WBP2NL: variants seen among roughly 807,000 people sequenced by gnomAD.
The protein encoded by WBP2NL is postacrosomal sheath WW domain-binding protein.
WBP2NL carries 27 observed loss-of-function variants against 23.3 expected under a neutral mutation model. That is an observed-to-expected ratio of 1.16 (90% CI 0.85 to 1.60). The LOEUF (loss-of-function observed/expected upper bound fraction) is 1.60. Ranked by LOEUF, WBP2NL falls within the 40% of genes most tolerant of loss-of-function variation. The probability of loss-of-function intolerance (pLI) is 0.00; values close to 1 mark genes in which losing one functional copy is unlikely to be tolerated. For synonymous variants in WBP2NL, 151 were observed against 145.9 expected (o/e 1.03, Z -0.25); for missense variants, 370 against 389.5 (o/e 0.95, Z 0.42).
At chr22:42,026,454 A>G (rs1436985865) in intron 5 of WBP2NL, among the ~76,000 whole-genome samples, 2 of 152,148 alleles carry the variant, frequency 1.3e-5, no homozygotes, top group Middle Eastern at 3.4e-3. Flanking sequence ...TTCCAAACGC[A>G]TATTCCTCAT....
At chr22:42,013,257 A>G (rs1383470312) in intron 1 of WBP2NL, among the ~76,000 whole-genome samples, 1 of 150,094 alleles carries the variant, frequency 6.7e-6, no homozygotes, top group East Asian at 2.0e-4. Flanking sequence ...CTGTAATCCC[A>G]GCTATATAAT....
chr22:42,038,617 G>C (rs5758554), intron 8 of WBP2NL, among the ~76,000 whole-genome samples: 1 of 150,564 alleles, frequency 6.6e-6, no homozygotes, highest in Non-Finnish European at 1.5e-5. Flanking sequence ...TTTTTTTTTT[G>C]TTTGAGACCA....
At chr22:42,010,344 C>T (rs373973778) in intron 1 of WBP2NL, among the ~76,000 whole-genome samples, 268 of 152,170 alleles carry the variant, frequency 1.8e-3, no homozygotes, top group African/African-American at 6.0e-3. Context: ...AATACTATGT[C>T]GAATAGAAGT....
intron 1 of WBP2NL, among the ~76,000 whole-genome samples, chr22:42,011,742 T>G (rs1411828105): frequency 6.6e-6 from 1 of 150,480 alleles, no homozygotes; most frequent in East Asian, 1.9e-4. Flanking sequence ...TGGCATCAGT[T>G]TTTTTTTTGG....
chr22:42,032,151 C>T (rs1171487699), downstream of WBP2NL: 1 of 152,214 alleles, frequency 6.6e-6, no homozygotes, highest in East Asian at 1.9e-4. Context: ...TTTTATTTGG[C>T]ACCAAGATGC....
At chr22:42,019,960 G>T in intron 3 of WBP2NL, 44 bp from the exon 4 acceptor site, 1 of 1,604,208 alleles carries the variant, frequency 6.2e-7, no homozygotes. Flanking sequence ...TCTGTTGTCA[G>T]CTATGCCAGT....
At chr22:42,016,411 G>A (rs1412166477) in intron 1 of WBP2NL, among the ~76,000 whole-genome samples, 1 of 152,176 alleles carries the variant, frequency 6.6e-6, no homozygotes, top group Non-Finnish European at 1.5e-5. Flanking sequence ...TTAAAAATAA[G>A]TGTGTTCTGC....
intron 8 of WBP2NL, among the ~76,000 whole-genome samples, chr22:42,048,336 C>T (rs917122867): frequency 3.3e-5 from 5 of 150,184 alleles, no homozygotes; most frequent in Admixed American, 1.3e-4. Flanking sequence ...TGCAGTGAGC[C>T]GGGATTGCAC....
chr22:42,034,913 C>CT (rs776899687), downstream of WBP2NL, among the ~76,000 whole-genome samples: 6 of 152,180 alleles, frequency 3.9e-5, no homozygotes, highest in Non-Finnish European at 7.3e-5. Context: ...TTATCCTGTT[C>CT]TTTTTTCAGG....
downstream of WBP2NL, chr22:42,032,845 G>A (rs1427231589): frequency 9.6e-6 from 3 of 312,952 alleles, no homozygotes; most frequent in Non-Finnish European, 2.0e-5. Context: ...TAGTTTAGAT[G>A]TATGATTTAG....
downstream of WBP2NL, among the ~76,000 whole-genome samples, chr22:42,033,526 A>G: frequency 6.6e-6 from 1 of 152,114 alleles, no homozygotes; most frequent in East Asian, 1.9e-4. Context: ...AGGGTGAGCA[A>G]TGAGAATGAG....
chr22:42,003,487 C>T (rs1202217495), intron 1 of WBP2NL: 1 of 151,886 alleles, frequency 6.6e-6, no homozygotes, highest in Non-Finnish European at 1.5e-5. Flanking sequence ...TTTATTCTGT[C>T]AGAGCAAACT....
rs200910750 is a variant in WBP2NL, at chr22:41,998,870, A to G, written c.52A>G (p.Asn18Asp). 15 of 1,610,706 alleles carry G rather than the reference A, an allele frequency of 9.3e-6. No individual in the cohort carries two copies. The highest frequency in any genetic ancestry group is 1.1e-5 in the Non-Finnish European group (13 of 1,178,082). The change falls in exon 1 of 6, where the codon AAC (asparagine) becomes GAC (aspartate). Residue 18 changes from asparagine to aspartate, a missense_variant. By Grantham distance (23) the Asn-to-Asp change is conservative. Coordinates refer to ENST00000328823, the MANE Select transcript of WBP2NL (RefSeq NM_152613.3). ...GAACCGCCGCGGAGCCCTCATCCCT[A>G]ACGGTGAAAGGTGCCTGAGGGGAAG... is the stretch of plus-strand genomic sequence containing the variant. ...TENRRGALIP[N>D]GESLLKRSPN...
intron 8 of WBP2NL, among the ~76,000 whole-genome samples, chr22:42,044,239 T>A (rs1179279672): frequency 2.6e-5 from 4 of 151,682 alleles, no homozygotes; most frequent in Non-Finnish European, 4.4e-5. Context: ...TTTTTTTAAA[T>A]TTTTTTTTAT....
intron 8 of WBP2NL, among the ~76,000 whole-genome samples, chr22:42,046,227 A>T (rs112203566): frequency 3.9e-5 from 6 of 152,324 alleles, no homozygotes; most frequent in African/African-American, 1.4e-4. Flanking sequence ...TGGGAAGCAG[A>T]CAGCTTTACT....
intron 8 of WBP2NL, among the ~76,000 whole-genome samples, chr22:42,049,705 C>CAAAAAAA (rs1158837575): frequency 1.6e-4 from 6 of 37,476 alleles, no homozygotes; most frequent in East Asian, 9.1e-4. Flanking sequence ...CAAAACAAAA[C>CAAAAAAA]AAAAAAAAAA....
chr22:42,022,661 C>T (rs931874697), intron 5 of WBP2NL, among the ~76,000 whole-genome samples: 4 of 152,240 alleles, frequency 2.6e-5, no homozygotes, highest in African/African-American at 9.6e-5. Context: ...CTCTTGCCCA[C>T]TTCCTTGTTT....
chr22:42,048,765 A>G lies in WBP2NL; in HGVS notation c.*274-9525A>G, dbSNP rs529247335. On this transcript the variant is annotated intron_variant and NMD_transcript_variant, in intron 8 of 8. Coordinates refer to the WBP2NL transcript ENST00000436265. Reference sequence around the variant, plus strand: ...AGCGAGACTCGGTCTCAAAAAAAAAAAAAAGAAAAGAAAAAAAAGAAACCC... The same window carrying G: ...AGCGAGACTCGGTCTCAAAAAAAAAGAAAAGAAAAGAAAAAAAAGAAACCC... Among the ~76,000 whole-genome samples the G allele has an allele frequency of 5.5e-3, 686 of 124,182 alleles. 2 individuals are homozygous for G. The highest frequency in any genetic ancestry group is 0.034 in the Middle Eastern group (9 of 264). The allele number at this position is 124,182 out of a possible 152,430, so 81.5% of individuals were successfully genotyped here.
chr22:42,044,290 T>G (rs1314104135), intron 8 of WBP2NL, among the ~76,000 whole-genome samples: 2 of 152,076 alleles, frequency 1.3e-5, no homozygotes, highest in Admixed American at 1.3e-4. Context: ...AGGCTGGTCT[T>G]GAACTCCTGG....
Sources: gnomAD v4.1 joint callset for allele counts (sites outside exome capture counted in the v4.1 genomes callset) on GRCh38, gnomAD v4.1.1 for gene constraint, MANE v1.5 for transcripts, NCBI Gene and HGNC (gene_info 2026-07-23, HGNC 2026-07-21) for gene names.